Variants in KCNH7 observed in about 807,000 individuals in gnomAD.
KCNH7 encodes voltage-gated inwardly rectifying potassium channel KCNH7.
A neutral mutation model predicts 120.8 loss-of-function variants in KCNH7; 49 were observed. The ratio of observed to expected loss-of-function variants is 0.41; its 90% CI spans 0.32 to 0.51. The LOEUF (loss-of-function observed/expected upper bound fraction) is 0.51, where lower values mean the gene tolerates loss of function less well. KCNH7 is among the 20% of genes least tolerant of loss of function. The pLI is 0.38. For missense variants in KCNH7, 1,097 were observed against 1,446.6 expected, an observed-to-expected ratio of 0.76 and a Z score of 3.92; for synonymous variants, 547 against 516.1, an observed-to-expected ratio of 1.06 and a Z score of -0.81.
intron 2 of KCNH7, among the ~76,000 whole-genome samples, chr2:162,692,977 C>T (rs1686168081): frequency 6.6e-6 from 1 of 152,016 alleles, no homozygotes; most frequent in Admixed American, 6.6e-5. Context: ...AGGAAAACTG[C>T]ATGGTCATTT....
At chr2:162,813,300 T>C (rs1250513010) in intron 2 of KCNH7, among the ~76,000 whole-genome samples, 1 of 152,152 alleles carries the variant, frequency 6.6e-6, no homozygotes, top group African/African-American at 2.4e-5. Context: ...TAAAAAGGAA[T>C]GCCAAATGTG....
chr2:162,379,625 A>T (rs1686338951), intron 14 of KCNH7, among the ~76,000 whole-genome samples: 1 of 152,168 alleles, frequency 6.6e-6, no homozygotes, highest in African/African-American at 2.4e-5. Flanking sequence ...TACTAACTGG[A>T]TGACAAAGAA....
At chr2:162,495,921 A>G (rs1470100020) in intron 6 of KCNH7, among the ~76,000 whole-genome samples, 1 of 152,228 alleles carries the variant, frequency 6.6e-6, no homozygotes, top group Non-Finnish European at 1.5e-5. Flanking sequence ...AGCAGGGATA[A>G]CTATAGCCAC....
At chr2:162,387,450 G>T (rs1344822221) in intron 12 of KCNH7, among the ~76,000 whole-genome samples, 2 of 151,244 alleles carry the variant, frequency 1.3e-5, no homozygotes, top group Non-Finnish European at 3.0e-5. Flanking sequence ...CAGTTAAACT[G>T]AATTATTTGA....
intron 14 of KCNH7, among the ~76,000 whole-genome samples, chr2:162,375,154 T>G (rs756013472): frequency 2.0e-5 from 3 of 152,186 alleles, no homozygotes; most frequent in African/African-American, 7.2e-5. Context: ...CATTCAGATT[T>G]ATCATAAATA....
At chr2:162,470,530 G>C (rs549012055) in intron 6 of KCNH7, among the ~76,000 whole-genome samples, 1 of 152,150 alleles carries the variant, frequency 6.6e-6, no homozygotes, top group Non-Finnish European at 1.5e-5. Context: ...CGTCTAGGAA[G>C]TGAGGAGCGT....
At chr2:162,557,453 C>T (rs1692896787) in intron 2 of KCNH7, among the ~76,000 whole-genome samples, 1 of 152,134 alleles carries the variant, frequency 6.6e-6, no homozygotes, top group African/African-American at 2.4e-5. Context: ...ACAGGGTCCA[C>T]TCATATTCAA....
intron 2 of KCNH7, among the ~76,000 whole-genome samples, chr2:162,771,298 A>G (rs1683045852): frequency 6.6e-6 from 1 of 152,156 alleles, no homozygotes; most frequent in Admixed American, 6.5e-5. Context: ...CATTGCTCTT[A>G]TGAAATGAAA....
At chr2:162,470,956 G>A (rs1050873983) in intron 6 of KCNH7, among the ~76,000 whole-genome samples, 3 of 152,106 alleles carry the variant, frequency 2.0e-5, no homozygotes, top group Admixed American at 2.0e-4. Flanking sequence ...CCCCAACCCT[G>A]TGCCCTCTGA....
At chr2:162,669,376 A>T (rs1245823911) in intron 2 of KCNH7, among the ~76,000 whole-genome samples, 3 of 152,160 alleles carry the variant, frequency 2.0e-5, no homozygotes, top group Non-Finnish European at 4.4e-5. Flanking sequence ...GCTTCAAAGG[A>T]ATAATAGTAT....
intron 2 of KCNH7, among the ~76,000 whole-genome samples, chr2:162,554,362 C>G (rs979542141): frequency 6.6e-6 from 1 of 150,864 alleles, no homozygotes; most frequent in African/African-American, 2.4e-5. Context: ...CCATCATAGC[C>G]TTTTTTTTTA....
At chr2:162,793,533 A>T (rs1684032278) in intron 2 of KCNH7, among the ~76,000 whole-genome samples, 1 of 152,094 alleles carries the variant, frequency 6.6e-6, no homozygotes, top group African/African-American at 2.4e-5. Flanking sequence ...CCAAAGAGGT[A>T]AAAAGATCTA....
intron 2 of KCNH7, among the ~76,000 whole-genome samples, chr2:162,819,633 AAGAC>A (rs1340749394): frequency 6.6e-6 from 1 of 152,156 alleles, no homozygotes; most frequent in Admixed American, 6.5e-5. Context: ...TGCCACTTGA[AAGAC>A]AGATTTTCTT....
chr2:162,480,611 C>T (rs1689899787), intron 6 of KCNH7, among the ~76,000 whole-genome samples: 4 of 152,158 alleles, frequency 2.6e-5, no homozygotes, highest in Admixed American at 2.6e-4. Flanking sequence ...ACATGAGATA[C>T]TCTCATCAAA....
At chr2:162,618,795 G>A (rs972675556) in intron 2 of KCNH7, among the ~76,000 whole-genome samples, 4 of 152,070 alleles carry the variant, frequency 2.6e-5, no homozygotes, top group Admixed American at 6.5e-5. Context: ...AAAACTGTCC[G>A]ACACAATGAA....
At chr2:162,440,739 A>C (rs978432612) in intron 7 of KCNH7, among the ~76,000 whole-genome samples, 2 of 152,092 alleles carry the variant, frequency 1.3e-5, no homozygotes, top group African/African-American at 4.8e-5. Flanking sequence ...AATATTTAAT[A>C]ACCTTTATTA....
chr2:162,679,755 G>T (rs558557404), intron 2 of KCNH7, among the ~76,000 whole-genome samples: 17 of 151,728 alleles, frequency 1.1e-4, no homozygotes, highest in Admixed American at 9.9e-4. Flanking sequence ...GCAGGGTTCA[G>T]CTTTGTGTTA....
chr2:162,806,542 T>TA (rs941151977), intron 2 of KCNH7, among the ~76,000 whole-genome samples: 21 of 152,262 alleles, frequency 1.4e-4, no homozygotes, highest in Admixed American at 1.1e-3. Context: ...TCATTACAGT[T>TA]AAAAAAACAG....
chr2:162,468,231 A>G (rs1689373045), intron 6 of KCNH7, among the ~76,000 whole-genome samples: 1 of 152,108 alleles, frequency 6.6e-6, no homozygotes, highest in South Asian at 2.1e-4. Flanking sequence ...GGCATCTGAC[A>G]CTCTCAAATT....
Sources: allele counts gnomAD v4.1 joint callset (sites outside exome capture counted in the v4.1 genomes callset), GRCh38; gene constraint gnomAD v4.1.1; transcripts MANE v1.5; gene names NCBI Gene and HGNC (gene_info 2026-07-23, HGNC 2026-07-21).